SNAP47: variants seen among roughly 807,000 people sequenced by gnomAD.
The protein encoded by SNAP47 is synaptosomal-associated protein 47.
In SNAP47, 20 loss-of-function variants were observed where a neutral mutation model predicts 31.4. The observed-to-expected ratio is 0.64, with a 90% CI of 0.45 to 0.93. The LOEUF (loss-of-function observed/expected upper bound fraction) is 0.93, where lower values mean the gene tolerates loss of function less well. Among genes scored for constraint, SNAP47 ranks in the 40% least tolerant of loss-of-function variants. The probability of loss-of-function intolerance (pLI) is 0.00; values close to 1 mark genes in which losing one functional copy is unlikely to be tolerated. For synonymous variants in SNAP47, 194 were observed against 213.4 expected, an observed-to-expected ratio of 0.91 and a Z score of 0.79; for missense variants, 492 against 528.5, an observed-to-expected ratio of 0.93 and a Z score of 0.68.
At chr1:227,776,329 A>G in intron 4 of SNAP47, 2 of 987,932 alleles carry the variant, frequency 2.0e-6, no homozygotes, top group Non-Finnish European at 2.4e-6. Flanking sequence ...AAGTTTATAA[A>G]AGTTTGTTTC....
intron 2 of SNAP47, among the ~76,000 whole-genome samples, chr1:227,756,644 G>A (rs1216309567): frequency 6.6e-6 from 1 of 152,226 alleles, no homozygotes; most frequent in Non-Finnish European, 1.5e-5. Flanking sequence ...AAACAGTTAG[G>A]GTGCTGCCTG....
chr1:227,765,746 C>T (rs567236211), intron 3 of SNAP47, among the ~76,000 whole-genome samples: 69 of 152,310 alleles, frequency 4.5e-4, no homozygotes, highest in Non-Finnish European at 9.1e-4. Flanking sequence ...CACTTGCACT[C>T]GCACCCATCT....
intron 4 of SNAP47, chr1:227,775,722 AT>A: frequency 2.3e-6 from 3 of 1,287,960 alleles, no homozygotes; most frequent in Non-Finnish European, 3.1e-6. Flanking sequence ...TTCTATATTT[AT>A]TTTTTGCCTT....
At position 227,743,463 on chromosome 1, in the gene SNAP47, G is replaced by A. The variant is rs190283928; in HGVS notation, c.-45-4229G>A. On this transcript the variant is annotated intron_variant, in intron 1 of 4. Coordinates refer to ENST00000617596, the MANE Select transcript of SNAP47 (RefSeq NM_053052.4). Reference sequence around the variant, plus strand: ...ATGGGCTCCAGCCTCCCTGAGCCCCGCCTCTCCTCTGTGACTGGGTGCTGT... The same window carrying A: ...ATGGGCTCCAGCCTCCCTGAGCCCCACCTCTCCTCTGTGACTGGGTGCTGT... Among the ~76,000 whole-genome samples the A allele has an allele frequency of 1.8e-4, 27 of 152,290 alleles. No homozygotes were observed. The East Asian group carries it at 4.3e-3, about 24-fold the overall frequency.
chr1:227,777,103 CTT>C (rs200901133), intron 4 of SNAP47: 1 of 870,438 alleles, frequency 1.1e-6, no homozygotes, highest in African/African-American at 2.4e-5. Context: ...AATTTGATGT[CTT>C]TTTTAAAAAA....
upstream of SNAP47, chr1:227,731,527 T>C (rs1321003445): frequency 2.0e-5 from 3 of 152,060 alleles, no homozygotes; most frequent in Admixed American, 6.5e-5. Context: ...CACTAGAGGG[T>C]TCAGGCCTGG....
At chr1:227,734,268 T>C (rs1366651706), upstream of SNAP47, 1 of 513,362 alleles carries the variant, frequency 1.9e-6, no homozygotes, top group Non-Finnish European at 3.4e-6. Flanking sequence ...ATAATCCCAG[T>C]GCTTTGAGAT....
At chr1:227,768,112 G>A in intron 4 of SNAP47, 1 of 181,256 alleles carries the variant, frequency 5.5e-6, no homozygotes, top group Non-Finnish European at 1.1e-5. Context: ...TTAGGAAACA[G>A]GAAGTCATTC....
At chr1:227,751,756 T>TG (rs1662377134) in intron 2 of SNAP47, among the ~76,000 whole-genome samples, 4 of 59,282 alleles carry the variant, frequency 6.7e-5, no homozygotes, top group Non-Finnish European at 1.1e-4. Flanking sequence ...TTTTTTTTTT[T>TG]TTTTTTTTTT....
At chr1:227,755,944 A>C (rs1321113999) in intron 2 of SNAP47, among the ~76,000 whole-genome samples, 1 of 152,224 alleles carries the variant, frequency 6.6e-6, no homozygotes, top group Non-Finnish European at 1.5e-5. Flanking sequence ...ACCAATTGCC[A>C]ATCAGAAAAT....
intron 4 of SNAP47, among the ~76,000 whole-genome samples, chr1:227,767,704 G>C (rs1408138261): frequency 1.3e-5 from 2 of 152,142 alleles, no homozygotes; most frequent in Non-Finnish European, 2.9e-5. Context: ...TGTGGAGCGT[G>C]CATGTACTGT....
At chr1:227,768,340 C>A in intron 4 of SNAP47, 23 of 985,386 alleles carry the variant, frequency 2.3e-5, no homozygotes, top group Non-Finnish European at 2.8e-5. Context: ...ATGGGCTCCC[C>A]GTCCCTGAGC....
chr1:227,734,745 G>C (rs199923105), upstream of SNAP47: 1 of 1,614,162 alleles, frequency 6.2e-7, no homozygotes, highest in Non-Finnish European at 8.5e-7. Flanking sequence ...TAGTCTCTGA[G>C]AGTCATGTGC....
intron 1 of SNAP47, among the ~76,000 whole-genome samples, chr1:227,739,853 G>A (rs971481407): frequency 3.3e-5 from 5 of 152,200 alleles, no homozygotes; most frequent in Admixed American, 1.3e-4. Context: ...CAGGGTCAGC[G>A]CGGGTCCCCA....
intron 3 of SNAP47, among the ~76,000 whole-genome samples, chr1:227,765,434 G>A (rs1362641350): frequency 6.6e-6 from 1 of 152,218 alleles, no homozygotes; most frequent in Non-Finnish European, 1.5e-5. Context: ...AGCTTGGCCT[G>A]TGCACTGTGG....
At chr1:227,733,655 CG>C (rs1558182613), upstream of SNAP47, 1 of 1,602,466 alleles carries the variant, frequency 6.2e-7, no homozygotes. Context: ...GCTGAAGGAG[CG>C]GAAGATGTCA....
At chr1:227,756,130 G>A (rs1392419267) in intron 2 of SNAP47, among the ~76,000 whole-genome samples, 1 of 152,198 alleles carries the variant, frequency 6.6e-6, no homozygotes, top group African/African-American at 2.4e-5. Context: ...ACTGGTCATG[G>A]TCCTCACATT....
At chr1:227,766,815 C>A in intron 3 of SNAP47, 144 bp from the exon 4 acceptor site, 1 of 1,213,268 alleles carries the variant, frequency 8.2e-7, no homozygotes, top group Non-Finnish European at 1.1e-6. Context: ...CAAGGCAAGG[C>A]TCACAGAGGT....
At chr1:227,729,685 G>A (rs889133167) in intron 1 of SNAP47, among the ~76,000 whole-genome samples, 5 of 152,162 alleles carry the variant, frequency 3.3e-5, no homozygotes, top group African/African-American at 1.2e-4. Flanking sequence ...ACCTTCTCCG[G>A]AGGCCACAGC....
Sources: gnomAD v4.1 joint callset for allele counts (sites outside exome capture counted in the v4.1 genomes callset) on GRCh38, gnomAD v4.1.1 for gene constraint, MANE v1.5 for transcripts, NCBI Gene and HGNC (gene_info 2026-07-23, HGNC 2026-07-21) for gene names.